Variants in PDE6C observed in about 807,000 individuals in gnomAD.
The protein encoded by PDE6C is cone cGMP-specific 3',5'-cyclic phosphodiesterase subunit alpha'.
Under a neutral mutation model 113.1 loss-of-function variants are expected in PDE6C, and 75 were observed. The ratio of observed to expected loss-of-function variants is 0.66; its 90% CI spans 0.55 to 0.80. PDE6C has a LOEUF of 0.80. Ranked by LOEUF, PDE6C falls within the 30% of genes least tolerant of loss-of-function variation. The pLI, the probability that PDE6C is intolerant of heterozygous loss-of-function variation, is 0.00. For synonymous variants in PDE6C, 375 were observed against 363.7 expected, an observed-to-expected ratio of 1.03 and a Z score of -0.35; for missense variants, 912 against 1,038.6, an observed-to-expected ratio of 0.88 and a Z score of 1.67.
At position 93,665,617 on chromosome 10, in the gene PDE6C, A is replaced by G; in HGVS notation, c.*199A>G. The G allele has an allele frequency of 3.5e-6, 2 of 572,888 alleles. No individual in the cohort carries two copies. The highest frequency in any genetic ancestry group is 3.1e-6 in the Non-Finnish European group (1 of 322,416). The allele number at this position is 572,888 out of a possible 1,614,324, so 35.5% of individuals were successfully genotyped here. A position where few individuals can be genotyped will look rare whatever the true frequency, so the allele number is the denominator to read the frequency against. ...CAACAAAAGTGCAAAATATGACAAAAATAGGTACATTTTTGGTGCCAATTT... is the reference window on the plus strand; with the variant it reads ...CAACAAAAGTGCAAAATATGACAAAGATAGGTACATTTTTGGTGCCAATTT... On this transcript the variant is annotated 3_prime_UTR_variant, in exon 22 of 22. Coordinates refer to ENST00000371447, the MANE Select transcript of PDE6C (RefSeq NM_006204.4).
Position 93,640,515 on chromosome 10 carries a change from G to A in PDE6C, c.1695G>A (p.Arg565=), listed in dbSNP as rs200781437. 1.2e-6 allele frequency: 2 copies of A among 1,613,780 alleles called. No individual in the cohort carries two copies. Among genetic ancestry groups the A allele is most frequent in the Admixed American group, 1.7e-5 (1 of 60,006 alleles). ...GAGCTGTCACTTACCACAATTGGCG[G>A]CATGGGTTCAACGTGGGGCAGACCA... ...GYRAVTYHNW[R]HGFNVGQTMF... is the part of the protein sequence containing the mutation. Residue 565 remains arginine (R), a synonymous_variant, in exon 13 of 22, where the codon CGG becomes CGA. Transcript: ENST00000371447.
At chr10:93,636,260 T>C (rs568158749) in intron 10 of PDE6C, among the ~76,000 whole-genome samples, 1 of 152,310 alleles carries the variant, frequency 6.6e-6, no homozygotes, top group Admixed American at 6.5e-5. Context: ...ACCAACCTTA[T>C]AGATGATGGG....
intron 21 of PDE6C, among the ~76,000 whole-genome samples, chr10:93,664,310 T>C (rs558065271): frequency 2.0e-5 from 3 of 152,248 alleles, no homozygotes; most frequent in African/African-American, 4.8e-5. Flanking sequence ...AAAGCAGGCA[T>C]TGGGGAGGAA....
chr10:93,638,676 C>T (rs978330332), intron 11 of PDE6C, among the ~76,000 whole-genome samples: 7 of 152,162 alleles, frequency 4.6e-5, no homozygotes, highest in African/African-American at 9.7e-5. Flanking sequence ...AATTGAGGAA[C>T]GTAACAAATA....
chr10:93,632,409 A>G (rs1351154695), intron 8 of PDE6C, among the ~76,000 whole-genome samples: 1 of 152,230 alleles, frequency 6.6e-6, no homozygotes, highest in Non-Finnish European at 1.5e-5. Flanking sequence ...TTTAACGTCA[A>G]TTAAAGTGGT....
intron 15 of PDE6C, among the ~76,000 whole-genome samples, chr10:93,649,501 G>A (rs1186221803): frequency 6.6e-6 from 1 of 152,162 alleles, no homozygotes; most frequent in Non-Finnish European, 1.5e-5. Flanking sequence ...AGGAAGCATG[G>A]AGAGAAAGGA....
intron 15 of PDE6C, among the ~76,000 whole-genome samples, chr10:93,654,810 C>CTTTCTTTTTTTTTT (rs1554891606): frequency 1.3e-5 from 1 of 77,116 alleles, no homozygotes. Context: ...TTCTTTCTTT[C>CTTTCTTTTTTTTTT]TTTTTTTTTT....
At position 93,634,899 on chromosome 10, in the gene PDE6C, A is replaced by G. The variant is rs202050878; in HGVS notation, c.1261A>G (p.Ile421Val). 11 of 1,614,076 alleles carry G rather than the reference A, an allele frequency of 6.8e-6. No individual in the cohort carries two copies. Among genetic ancestry groups the G allele is most frequent in the African/African-American group, 6.7e-5 (5 of 75,046 alleles). The change falls in exon 9 of 22, where the codon ATT (isoleucine) becomes GTT (valine). Residue 421 changes from isoleucine (I) to valine (V), a missense_variant. Transcript: ENST00000371447. The part of the protein sequence containing the change: ...GKPFDEHDEY[I>V]TETLTQFLGW... ...ACCTTTCGATGAGCATGATGAATAC[A>G]TTACCGAGGCAAGTGCAATAATAAG...
chr10:93,658,936 G>A lies in PDE6C; in HGVS notation c.2072G>A (p.Cys691Tyr), dbSNP rs746003348. ...ATGTTTCAAAAAATTGTTGATGCCTGTGAACAAATGCAAACGGAAGAAGAA... is the reference window on the plus strand; with the variant it reads ...ATGTTTCAAAAAATTGTTGATGCCTATGAACAAATGCAAACGGAAGAAGAA... ...RTMFQKIVDA[C>Y]EQMQTEEEAI... Residue 691 changes from cysteine (C) to tyrosine (Y), a missense_variant, in exon 17 of 22, where the codon TGT becomes TAT. Cys to Tyr is a radical substitution (Grantham distance 194). Coordinates refer to ENST00000371447, the MANE Select transcript of PDE6C (RefSeq NM_006204.4). 4 of 1,612,886 alleles carry A rather than the reference G, an allele frequency of 2.5e-6. No individual in the cohort carries two copies. The South Asian group carries it at 4.4e-5, about 18-fold the overall frequency.
chr10:93,613,770 G>A (rs1460386868), intron 1 of PDE6C, among the ~76,000 whole-genome samples: 4 of 152,126 alleles, frequency 2.6e-5, no homozygotes, highest in Admixed American at 2.6e-4. Flanking sequence ...TTCAAATTTG[G>A]AATTCATTAC....
Position 93,616,497 on chromosome 10 carries a change from T to A in PDE6C, c.480+3292T>A, listed in dbSNP as rs541332388. On this transcript the variant is annotated intron_variant, in intron 1 of 21. Transcript: ENST00000371447. Reference sequence around the variant, plus strand: ...GAGATAAGCAAATGTACAGATTAAATGTATATAAAGGACCTGACTCATAGT... The same window carrying A: ...GAGATAAGCAAATGTACAGATTAAAAGTATATAAAGGACCTGACTCATAGT... 1.6e-4 allele frequency among the ~76,000 whole-genome samples: 25 copies of A among 152,316 alleles called. No individual in the cohort carries two copies. The Middle Eastern group carries it at 0.014, about 83-fold the overall frequency.
At chr10:93,649,160 G>C (rs1005375677) in intron 15 of PDE6C, among the ~76,000 whole-genome samples, 1 of 152,138 alleles carries the variant, frequency 6.6e-6, no homozygotes, top group Non-Finnish European at 1.5e-5. Context: ...AAATAAAAAA[G>C]ATTCTTTCCG....
At chr10:93,613,262 T>C in intron 1 of PDE6C, 57 bp downstream of exon 1, 3 of 1,607,842 alleles carry the variant, frequency 1.9e-6, no homozygotes, top group South Asian at 1.1e-5. Flanking sequence ...GAGGAACAAA[T>C]GGGAAAGAGA....
chr10:93,642,103 C>T (rs753150333), intron 14 of PDE6C, among the ~76,000 whole-genome samples: 14 of 152,150 alleles, frequency 9.2e-5, no homozygotes, highest in Non-Finnish European at 2.1e-4. Flanking sequence ...CGGTGGCTCA[C>T]GCCTATAATC....
intron 11 of PDE6C, among the ~76,000 whole-genome samples, chr10:93,637,413 T>C (rs2058538689): frequency 6.6e-6 from 1 of 152,072 alleles, no homozygotes; most frequent in Non-Finnish European, 1.5e-5. Context: ...AGAGTTAGCG[T>C]GGAGCATGGA....
intron 18 of PDE6C, among the ~76,000 whole-genome samples, chr10:93,660,172 C>A (rs2058659837): frequency 6.6e-6 from 1 of 152,110 alleles, no homozygotes; most frequent in African/African-American, 2.4e-5. Context: ...ATCTATTTCT[C>A]ACCCATCCTA....
At chr10:93,664,773 T>C (rs1489243092) in intron 21 of PDE6C, among the ~76,000 whole-genome samples, 1 of 152,240 alleles carries the variant, frequency 6.6e-6, no homozygotes, top group Non-Finnish European at 1.5e-5. Context: ...CATGGAGCTT[T>C]GTGCATCAAG....
chr10:93,641,409 G>A lies in PDE6C; in HGVS notation c.1847+380G>A, dbSNP rs1036667955. ...GCACTTTGGGAGAGTGAGGCGGGCGGATCAAGTGAGGTCAGTTCAAGACCA... is the reference window on the plus strand; with the variant it reads ...GCACTTTGGGAGAGTGAGGCGGGCGAATCAAGTGAGGTCAGTTCAAGACCA... On this transcript the variant is annotated intron_variant, in intron 14 of 21. Coordinates refer to ENST00000371447, the MANE Select transcript of PDE6C (RefSeq NM_006204.4). Among the ~76,000 whole-genome samples the A allele has an allele frequency of 1.4e-4, 21 of 152,094 alleles. 1 individual carries two copies. Among genetic ancestry groups the A allele is most frequent in the Admixed American group, 1.3e-3 (20 of 15,270 alleles).
chr10:93,651,053 G>A (rs1055486053), intron 15 of PDE6C, among the ~76,000 whole-genome samples: 7 of 152,050 alleles, frequency 4.6e-5, no homozygotes, highest in African/African-American at 1.7e-4. Flanking sequence ...ACACAAACTT[G>A]TTGGTATTTT....
Sources: allele counts gnomAD v4.1 joint callset (sites outside exome capture counted in the v4.1 genomes callset), GRCh38; gene constraint gnomAD v4.1.1; transcripts MANE v1.5; gene names NCBI Gene and HGNC (gene_info 2026-07-23, HGNC 2026-07-21).